SV2C: variants seen among roughly 807,000 people sequenced by gnomAD.
SV2C encodes synaptic vesicle glycoprotein 2C.
Under a neutral mutation model 79.7 loss-of-function variants are expected in SV2C, and 49 were observed. That is an observed-to-expected ratio of 0.61 (90% confidence interval 0.49 to 0.78). The LOEUF (loss-of-function observed/expected upper bound fraction) is 0.78. Ranked by LOEUF, SV2C falls within the 30% of genes least tolerant of loss-of-function variation. SV2C has a pLI of 0.00. For missense variants in SV2C, 833 were observed against 912.9 expected (o/e 0.91, Z 1.13); for synonymous variants, 334 against 333.2 (o/e 1.00, Z -0.03).
chr5:76,190,819 TGTCAGTCCA>T (rs1196747545), intron 2 of SV2C, among the ~76,000 whole-genome samples: 4 of 152,246 alleles, frequency 2.6e-5, no homozygotes, highest in Non-Finnish European at 5.9e-5. Context: ...CTTTATTTAA[TGTCAGTCCA>T]TATTATTCTT....
chr5:75,881,345 C>A, the SV2C span, among the ~76,000 whole-genome samples: 1 of 152,144 alleles, frequency 6.6e-6, no homozygotes, highest in Admixed American at 6.6e-5. Context: ...AATACGTTAA[C>A]ATATATAAAG....
At chr5:76,308,681 T>C (rs1748296656) in intron 12 of SV2C, among the ~76,000 whole-genome samples, 1 of 139,984 alleles carries the variant, frequency 7.1e-6, no homozygotes, top group Admixed American at 7.4e-5. Flanking sequence ...AAGTCTGAGA[T>C]CTATGGAGCA....
At chr5:75,921,556 G>A in the SV2C span, 4 of 867,608 alleles carry the variant, frequency 4.6e-6, no homozygotes, top group Non-Finnish European at 7.9e-6. Flanking sequence ...TGGTCTTGGG[G>A]TTTGTGTCAT....
chr5:75,849,007 C>T, the SV2C span, among the ~76,000 whole-genome samples: 2 of 152,216 alleles, frequency 1.3e-5, no homozygotes, highest in African/African-American at 4.8e-5. Context: ...GACAGTGTAT[C>T]ATATCCTTGA....
the SV2C span, among the ~76,000 whole-genome samples, chr5:76,037,262 G>C: frequency 6.6e-6 from 1 of 152,190 alleles, no homozygotes; most frequent in African/African-American, 2.4e-5. Context: ...GTCATTCTAT[G>C]TACAGCTTTG....
the SV2C span, among the ~76,000 whole-genome samples, chr5:76,026,960 AT>A: frequency 1.4e-5 from 2 of 145,462 alleles, no homozygotes; most frequent in African/African-American, 2.6e-5. Context: ...GACTTTTCCT[AT>A]TTTTTTTCTA....
chr5:76,221,354 C>T (rs1388502590), intron 4 of SV2C, among the ~76,000 whole-genome samples: 1 of 152,166 alleles, frequency 6.6e-6, no homozygotes, highest in East Asian at 1.9e-4. Context: ...TACAGTTTAA[C>T]AAAAATTGGC....
chr5:76,317,776 C>A (rs752190102), intron 12 of SV2C, among the ~76,000 whole-genome samples: 1 of 152,194 alleles, frequency 6.6e-6, no homozygotes, highest in Non-Finnish European at 1.5e-5. Context: ...CTGCAGTGAG[C>A]TATGATTACA....
At chr5:75,909,008 A>AT in the SV2C span, among the ~76,000 whole-genome samples, 1 of 152,128 alleles carries the variant, frequency 6.6e-6, no homozygotes, top group African/African-American at 2.4e-5. Flanking sequence ...AACCCATTTA[A>AT]TTTTCATTTC....
chr5:76,093,801 AT>A (rs1747457670), intron 1 of SV2C, among the ~76,000 whole-genome samples: 1 of 99,852 alleles, frequency 1.0e-5, no homozygotes, highest in African/African-American at 6.7e-5. Context: ...CTGGGCTCTT[AT>A]CAAATTATTT....
At chr5:76,226,620 C>G (rs1364497377) in intron 4 of SV2C, among the ~76,000 whole-genome samples, 1 of 152,220 alleles carries the variant, frequency 6.6e-6, no homozygotes, top group Non-Finnish European at 1.5e-5. Flanking sequence ...AACTACTAAA[C>G]TATTTCTAAA....
intron 4 of SV2C, among the ~76,000 whole-genome samples, chr5:76,217,685 A>G (rs1307788353): frequency 6.6e-6 from 1 of 152,226 alleles, no homozygotes; most frequent in Non-Finnish European, 1.5e-5. Flanking sequence ...GCTACATGAA[A>G]AAAGAGGGAG....
the SV2C span, among the ~76,000 whole-genome samples, chr5:76,076,584 G>A: frequency 6.6e-6 from 1 of 151,996 alleles, no homozygotes; most frequent in Non-Finnish European, 1.5e-5. Context: ...ATGAGGGAGG[G>A]CTCCTCCACA....
the SV2C span, among the ~76,000 whole-genome samples, chr5:76,002,913 T>C: frequency 2.6e-5 from 4 of 152,156 alleles, no homozygotes; most frequent in African/African-American, 9.7e-5. Context: ...GAATGTGTTA[T>C]GGTTGGGCTG....
At chr5:76,033,624 A>G in the SV2C span, among the ~76,000 whole-genome samples, 216 of 152,324 alleles carry the variant, frequency 1.4e-3, no homozygotes, top group African/African-American at 5.0e-3. Flanking sequence ...TTTTGGTACC[A>G]GTACCATGCT....
At chr5:75,931,315 ACACTTGGT>A in the SV2C span, among the ~76,000 whole-genome samples, 2 of 152,196 alleles carry the variant, frequency 1.3e-5, no homozygotes, top group Non-Finnish European at 2.9e-5. Flanking sequence ...ATTCTAGTTT[ACACTTGGT>A]CACAAATCTT....
chr5:75,994,143 A>C, the SV2C span, among the ~76,000 whole-genome samples: 1 of 152,138 alleles, frequency 6.6e-6, no homozygotes, highest in Non-Finnish European at 1.5e-5. Context: ...TTTTATCCCA[A>C]TAAAAGAGTT....
chr5:76,204,756 C>A (rs1744559492), intron 3 of SV2C, among the ~76,000 whole-genome samples: 1 of 152,178 alleles, frequency 6.6e-6, no homozygotes, highest in South Asian at 2.1e-4. Context: ...GAAACCTAAA[C>A]CCCTCCCCAC....
chr5:76,273,699 T>C (rs1746942336), intron 4 of SV2C, among the ~76,000 whole-genome samples: 1 of 152,216 alleles, frequency 6.6e-6, no homozygotes, highest in Non-Finnish European at 1.5e-5. Flanking sequence ...AAAGGTTGGC[T>C]TGTTGCTCGG....
Sources: allele counts gnomAD v4.1 joint callset (sites outside exome capture counted in the v4.1 genomes callset), GRCh38; gene constraint gnomAD v4.1.1; transcripts MANE v1.5; gene names NCBI Gene and HGNC (gene_info 2026-07-23, HGNC 2026-07-21).